FHL5: variants seen among roughly 807,000 people sequenced by gnomAD.
FHL5 encodes four and a half LIM domains 5.
FHL5 carries 33 observed loss-of-function variants against 32.0 expected under a neutral mutation model. That is an observed-to-expected ratio of 1.03 (90% CI 0.78 to 1.38). The LOEUF is 1.38. Ranked by LOEUF, FHL5 falls within the 40% of genes most tolerant of loss-of-function variation. FHL5 has a pLI of 0.00. For synonymous variants in FHL5, 114 were observed against 113.6 expected, an observed-to-expected ratio of 1.00 and a Z score of -0.02; for missense variants, 336 against 343.9, an observed-to-expected ratio of 0.98 and a Z score of 0.18.
At chr6:96,575,568 A>G (rs114699313) in intron 1 of FHL5, among the ~76,000 whole-genome samples, 3,974 of 152,258 alleles carry the variant, frequency 0.026, 155 homozygotes, top group African/African-American at 0.092. Flanking sequence ...GCAACTTCCA[A>G]TGGAGTAAGG....
chr6:96,606,854 A>G (rs1771292317), intron 4 of FHL5, among the ~76,000 whole-genome samples: 1 of 152,182 alleles, frequency 6.6e-6, no homozygotes, highest in Non-Finnish European at 1.5e-5. Flanking sequence ...CAGCAATGCA[A>G]ATGTCTTCTT....
At chr6:96,587,810 T>C (rs1317991014) in intron 1 of FHL5, among the ~76,000 whole-genome samples, 1 of 152,240 alleles carries the variant, frequency 6.6e-6, no homozygotes, top group East Asian at 1.9e-4. Context: ...TGTTCTAAAC[T>C]TTATATAAAT....
At chr6:96,582,323 G>T (rs1473871264) in intron 1 of FHL5, among the ~76,000 whole-genome samples, 1 of 151,710 alleles carries the variant, frequency 6.6e-6, no homozygotes, top group African/African-American at 2.4e-5. Flanking sequence ...TACTCTCATG[G>T]TCTTGAAAAT....
At chr6:96,567,868 T>C (rs1192191845) in intron 1 of FHL5, among the ~76,000 whole-genome samples, 1 of 149,296 alleles carries the variant, frequency 6.7e-6, no homozygotes, top group Non-Finnish European at 1.5e-5. Context: ...ACTGAATCTG[T>C]TTATCAGTTC....
At chr6:96,569,557 C>A (rs1010074860) in intron 1 of FHL5, among the ~76,000 whole-genome samples, 11 of 151,982 alleles carry the variant, frequency 7.2e-5, no homozygotes, top group Admixed American at 2.6e-4. Flanking sequence ...GTACTGAAAT[C>A]TATTTCTCCT....
At chr6:96,573,067 A>G (rs2127959798) in intron 1 of FHL5, among the ~76,000 whole-genome samples, 1 of 152,296 alleles carries the variant, frequency 6.6e-6, no homozygotes, top group Non-Finnish European at 1.5e-5. Flanking sequence ...GTATCAAACT[A>G]TTTATTATCT....
At chr6:96,584,461 TTG>T (rs781665593) in intron 1 of FHL5, among the ~76,000 whole-genome samples, 912 of 85,060 alleles carry the variant, frequency 0.011, 7 homozygotes, top group African/African-American at 0.031. Flanking sequence ...GTGTGTGTGT[TTG>T]TGTGTGTGTG....
chr6:96,591,414 T>C (rs1452015831), intron 1 of FHL5, among the ~76,000 whole-genome samples: 1 of 152,230 alleles, frequency 6.6e-6, no homozygotes, highest in Non-Finnish European at 1.5e-5. Flanking sequence ...TTTCATTTTT[T>C]CCCTACTCTT....
intron 2 of FHL5, among the ~76,000 whole-genome samples, chr6:96,604,122 T>C (rs1226580241): frequency 6.6e-6 from 1 of 152,150 alleles, no homozygotes. Flanking sequence ...TATAAATAAA[T>C]GCATAAAGAA....
intron 1 of FHL5, among the ~76,000 whole-genome samples, chr6:96,572,042 T>C (rs1770489800): frequency 6.6e-6 from 1 of 152,156 alleles, no homozygotes; most frequent in African/African-American, 2.4e-5. Context: ...GCTAGGCCAG[T>C]GCTGGGGAAT....
In FHL5 at chr6:96,569,407, G is replaced by A. The variant is rs572537233; in HGVS notation, c.-13+6052G>A. On this transcript the variant is annotated intron_variant, in intron 1 of 5. Transcript: ENST00000450218. ...TAATGAAAAGAATATGTATTTTGCA[G>A]CTGTTGAATGAAATGTTCTGTAAAT... Among the ~76,000 whole-genome samples the A allele has an allele frequency of 1.4e-3, 220 of 152,192 alleles. 1 individual carries two copies. The highest frequency in any genetic ancestry group is 6.8e-3 in the Middle Eastern group (2 of 294).
chr6:96,566,604 T>C (rs1166857272), intron 1 of FHL5, among the ~76,000 whole-genome samples: 1 of 152,046 alleles, frequency 6.6e-6, no homozygotes, highest in Admixed American at 6.6e-5. Context: ...GGCATATATA[T>C]GCATATATTC....
At chr6:96,588,220 T>G (rs1770840877) in intron 1 of FHL5, among the ~76,000 whole-genome samples, 2 of 151,776 alleles carry the variant, frequency 1.3e-5, no homozygotes, top group African/African-American at 4.8e-5. Context: ...TCTTTCTTTC[T>G]TTTTTTTTGA....
chr6:96,593,038 G>T (rs1046330592), intron 1 of FHL5, among the ~76,000 whole-genome samples: 2 of 151,434 alleles, frequency 1.3e-5, no homozygotes, highest in Admixed American at 1.3e-4. Context: ...TTTCTTAATT[G>T]TACTTTTTAT....
intron 1 of FHL5, among the ~76,000 whole-genome samples, chr6:96,602,426 CTTTTTTTTTTTTTTTTTTTTTTTTT>C (rs1168636713): frequency 1.2e-4 from 4 of 33,684 alleles, no homozygotes; most frequent in Non-Finnish European, 2.0e-4. Flanking sequence ...TGCGTTGTTT[CTTTTTTTTTTTTTTTTTTTTTTTTT>C]TTTTTTTTTT....
intron 1 of FHL5, among the ~76,000 whole-genome samples, chr6:96,572,146 G>A (rs764370934): frequency 6.6e-6 from 1 of 152,150 alleles, no homozygotes; most frequent in Non-Finnish European, 1.5e-5. Context: ...GGGACAATGT[G>A]CCACTTCAGC....
At chr6:96,604,297 T>C (rs1408101218) in intron 2 of FHL5, among the ~76,000 whole-genome samples, 1 of 150,562 alleles carries the variant, frequency 6.6e-6, no homozygotes. Context: ...CCGATTATTT[T>C]CCTCTCTCTT....
At chr6:96,603,969 C>T (rs1470521924) in intron 2 of FHL5, among the ~76,000 whole-genome samples, 197 bp downstream of exon 2, 3 of 152,222 alleles carry the variant, frequency 2.0e-5, no homozygotes, top group Non-Finnish European at 4.4e-5. Context: ...TTAATCCTCA[C>T]ATGATCTTCT....
intron 5 of FHL5, among the ~76,000 whole-genome samples, chr6:96,612,046 G>A (rs1393335628): frequency 1.3e-5 from 2 of 152,214 alleles, no homozygotes; most frequent in Non-Finnish European, 2.9e-5. Flanking sequence ...ACTCGTGGCT[G>A]TCCAATTGCA....
Sources: gnomAD v4.1 joint callset for allele counts (sites outside exome capture counted in the v4.1 genomes callset) on GRCh38, gnomAD v4.1.1 for gene constraint, MANE v1.5 for transcripts, NCBI Gene and HGNC (gene_info 2026-07-23, HGNC 2026-07-21) for gene names.